Variants in NAPB observed in about 807,000 individuals in gnomAD.
NAPB encodes the protein beta-soluble NSF attachment protein.
Under a neutral mutation model 44.7 loss-of-function variants are expected in NAPB, and 26 were observed. That is an observed-to-expected ratio of 0.58 (90% CI 0.43 to 0.81). NAPB has a LOEUF of 0.81. Among genes scored for constraint, NAPB ranks in the 30% least tolerant of loss-of-function variants. The pLI, the probability that NAPB is intolerant of heterozygous loss-of-function variation, is 0.00. For synonymous variants in NAPB, 120 were observed against 116.8 expected (o/e 1.03, Z -0.18); for missense variants, 315 against 356.4 (o/e 0.88, Z 0.94).
In NAPB at chr20:23,377,438, T is replaced by C. The variant is rs755645710; in HGVS notation, c.835A>G (p.Met279Val). 4 of 1,608,102 alleles carry C rather than the reference T, an allele frequency of 2.5e-6. No individual in the cohort carries two copies. The South Asian group carries it at 3.3e-5, about 13-fold the overall frequency. Reference protein sequence around the residue: ...ISRLDQWLTTMLLRIKKSIQG... With the variant: ...ISRLDQWLTTVLLRIKKSIQG... ...ATGGACTTTTTGATGCGAAGCAACA[T>C]GGTGGTCAGCCACTGATCCAAGCGA... Residue 279 changes from methionine to valine, a missense_variant, in exon 11 of 11, where the codon ATG becomes GTG. By Grantham distance (21) the Met-to-Val change is conservative (BLOSUM62 1). Around this residue, in one of 3 missense-constraint regions of NAPB, gnomAD observed 120 missense variants for 130.5 expected, o/e 0.92. Transcript: ENST00000377026.
intron 1 of NAPB, among the ~76,000 whole-genome samples, chr20:23,420,579 C>A (rs1039830887): frequency 6.6e-6 from 1 of 152,154 alleles, no homozygotes; most frequent in Admixed American, 6.5e-5. Flanking sequence ...CGGCTCCACC[C>A]CGGCGCGCCT....
At position 23,377,493 on chromosome 20, in the gene NAPB, TAAGGA is replaced by T; in HGVS notation, c.787-12_787-8del. 1 of 1,574,702 alleles carries T rather than the reference TAAGGA, an allele frequency of 6.4e-7. No homozygotes were observed. Among genetic ancestry groups the T allele is most frequent in the Non-Finnish European group, 8.7e-7 (1 of 1,151,136 alleles). ...TTGAGTCAAATTCCTTCACCTAGTA[TAAGGA>T]AAGAGGAACAGGAATTACCCCATGT... On this transcript the variant is annotated splice_region_variant and splice_polypyrimidine_tract_variant and intron_variant, in intron 10 of 10. Transcript: ENST00000377026.
intron 1 of NAPB, among the ~76,000 whole-genome samples, chr20:23,420,104 C>T (rs1057281759): frequency 6.6e-6 from 1 of 152,196 alleles, no homozygotes; most frequent in African/African-American, 2.4e-5. Context: ...AACAACGAAA[C>T]AGGCACACAC....
At chr20:23,395,058 G>A in intron 4 of NAPB, 59 bp from the exon 5 acceptor site, 2 of 1,611,988 alleles carry the variant, frequency 1.2e-6, no homozygotes, top group Admixed American at 1.7e-5. Flanking sequence ...ATGCCAGTTT[G>A]GGAACATAAA....
intron 3 of NAPB, 84 bp downstream of exon 3, chr20:23,396,988 A>G: frequency 7.1e-7 from 1 of 1,403,234 alleles, no homozygotes; most frequent in East Asian, 2.5e-5. Context: ...TTGAAAGCAC[A>G]CCAACACTGA....
chr20:23,395,427 TACTCTTA>T (rs1441280178), intron 3 of NAPB, among the ~76,000 whole-genome samples: 1 of 152,198 alleles, frequency 6.6e-6, no homozygotes, highest in Non-Finnish European at 1.5e-5. Context: ...TTGGCTTAGT[TACTCTTA>T]ACCTTAAAGT....
In NAPB at chr20:23,377,492, A is replaced by G. The variant is rs778493763; in HGVS notation, c.787-6T>C. On this transcript the variant is annotated splice_region_variant and splice_polypyrimidine_tract_variant and intron_variant, in intron 10 of 10. Coordinates refer to ENST00000377026, the MANE Select transcript of NAPB (RefSeq NM_022080.3). ...ATTGAGTCAAATTCCTTCACCTAGT[A>G]TAAGGAAAGAGGAACAGGAATTACC... 1.1e-5 allele frequency: 18 copies of G among 1,576,454 alleles called. No individual in the cohort carries two copies. Among genetic ancestry groups the G allele is most frequent in the Admixed American group, 6.8e-5 (4 of 58,534 alleles).
chr20:23,414,308 T>G (rs1985857757), intron 1 of NAPB, among the ~76,000 whole-genome samples: 1 of 151,856 alleles, frequency 6.6e-6, no homozygotes, highest in South Asian at 2.1e-4. Flanking sequence ...GTCAACAAAG[T>G]GAGACCCTGT....
intron 6 of NAPB, 76 bp from the exon 7 acceptor site, chr20:23,390,106 T>C (rs1983839619): frequency 6.5e-7 from 1 of 1,532,668 alleles, no homozygotes; most frequent in Non-Finnish European, 9.0e-7. Flanking sequence ...CCTCAGTACA[T>C]CTTCATTTGG....
At chr20:23,407,455 T>TC (rs986519137) in intron 1 of NAPB, among the ~76,000 whole-genome samples, 12 of 151,992 alleles carry the variant, frequency 7.9e-5, no homozygotes, top group African/African-American at 2.9e-4. Context: ...TAACTATTTT[T>TC]TTGTATTACA....
chr20:23,397,986 G>C (rs1984502584), intron 2 of NAPB, among the ~76,000 whole-genome samples: 2 of 152,204 alleles, frequency 1.3e-5, no homozygotes. Flanking sequence ...ATCGCTAGCA[G>C]AGGAGTCACA....
Position 23,394,951 on chromosome 20 carries a change from A to G in NAPB, c.391T>C (p.Tyr131His). ...AKHHITIAEI[Y>H]ETELVDIEKA... ...TCAATGTCTACAAGTTCAGTCTCATAGATCTCTGCAATAGTAATGTGGTGC... is the reference window on the plus strand; with the variant it reads ...TCAATGTCTACAAGTTCAGTCTCATGGATCTCTGCAATAGTAATGTGGTGC... The change falls in exon 5 of 11, where the codon TAT (tyrosine) becomes CAT (histidine). Residue 131 changes from tyrosine (Y) to histidine (H), a missense_variant. Physicochemically the swap from Tyr to His is moderately conservative, Grantham distance 83. Transcript: ENST00000377026. 6.2e-7 allele frequency: 1 copy of G among 1,614,228 alleles called. No homozygotes were observed. The highest frequency in any genetic ancestry group is 8.5e-7 in the Non-Finnish European group (1 of 1,180,032).
At chr20:23,396,053 G>A (rs944983042) in intron 3 of NAPB, among the ~76,000 whole-genome samples, 9 of 152,048 alleles carry the variant, frequency 5.9e-5, no homozygotes, top group African/African-American at 9.7e-5. Context: ...CAATAATCCC[G>A]CTCAAATCCG....
chr20:23,408,800 G>A (rs1985439164), intron 1 of NAPB, among the ~76,000 whole-genome samples: 1 of 152,164 alleles, frequency 6.6e-6, no homozygotes, highest in Admixed American at 6.5e-5. Context: ...TGTATGAGGT[G>A]ATGAGTATGC....
intron 7 of NAPB, among the ~76,000 whole-genome samples, chr20:23,385,763 A>AAGAGAG (rs11468639): frequency 9.4e-5 from 14 of 149,176 alleles, no homozygotes; most frequent in African/African-American, 3.4e-4. Context: ...GAAAGAGAGA[A>AAGAGAG]AGAGAGAGAG....
Position 23,374,943 on chromosome 20 carries a change from A to G in NAPB, c.*2433T>C, listed in dbSNP as rs577814536. ...ACTATGAACTAACTCCAGATTTGCT[A>G]AAGTACAAGAATTGTACCATAAATA... On this transcript the variant is annotated 3_prime_UTR_variant, in exon 11 of 11. Coordinates refer to ENST00000377026, the MANE Select transcript of NAPB (RefSeq NM_022080.3). 2 of 152,368 alleles carry G rather than the reference A, an allele frequency of 1.3e-5. No homozygotes were observed. Among genetic ancestry groups the G allele is most frequent in the African/African-American group, 2.4e-5 (1 of 41,582 alleles). The allele number at this position is 152,368 out of a possible 1,614,324, so 9.4% of individuals were successfully genotyped here.
chr20:23,410,926 TAGA>T (rs1985609179), intron 1 of NAPB, among the ~76,000 whole-genome samples: 1 of 152,112 alleles, frequency 6.6e-6, no homozygotes, highest in Admixed American at 6.5e-5. Flanking sequence ...TTTCAAATTC[TAGA>T]AGGATAGAAA....
Position 23,377,416 on chromosome 20 carries a change from G to A in NAPB, c.857C>T (p.Ser286Phe). Reference protein sequence around the residue: ...LTTMLLRIKKSIQGDGEGDGD... With the variant: ...LTTMLLRIKKFIQGDGEGDGD... ...ATCTCCTTCTCCATCCCCTTGGATG[G>A]ACTTTTTGATGCGAAGCAACATGGT... Residue 286 changes from serine (S) to phenylalanine (F), a missense_variant, in exon 11 of 11, where the codon TCC (serine) becomes TTC (phenylalanine). By Grantham distance (155) the Ser-to-Phe change is radical. This residue lies in a region of NAPB where 120 missense variants were observed against 130.5 expected (regional missense o/e 0.92). Coordinates refer to ENST00000377026, the MANE Select transcript of NAPB (RefSeq NM_022080.3). 1.9e-6 allele frequency: 3 copies of A among 1,602,440 alleles called. No individual in the cohort carries two copies. Among genetic ancestry groups the A allele is most frequent in the Non-Finnish European group, 2.6e-6 (3 of 1,172,476 alleles).
At chr20:23,378,471 C>T (rs937603268) in intron 10 of NAPB, among the ~76,000 whole-genome samples, 7 of 149,922 alleles carry the variant, frequency 4.7e-5, no homozygotes, top group African/African-American at 1.7e-4. Flanking sequence ...GATGGAGTTT[C>T]ACTCTTGTTG....
Sources: allele counts gnomAD v4.1 joint callset (sites outside exome capture counted in the v4.1 genomes callset), GRCh38; gene constraint gnomAD v4.1.1; regional missense constraint gnomAD v4.1.1; transcripts MANE v1.5; gene names NCBI Gene and HGNC (gene_info 2026-07-23, HGNC 2026-07-21).